PCCA: variants seen among roughly 807,000 people sequenced by gnomAD.
PCCA encodes propionyl-CoA carboxylase alpha chain, mitochondrial.
In PCCA, 74 loss-of-function variants were observed where a neutral mutation model predicts 101.3. The observed-to-expected ratio is 0.73, with a 90% CI of 0.61 to 0.89. The LOEUF is 0.89. PCCA is among the 40% of genes least tolerant of loss of function. The pLI, the probability that PCCA is intolerant of heterozygous loss-of-function variation, is 0.00. For synonymous variants in PCCA, 294 were observed against 313.6 expected, an observed-to-expected ratio of 0.94 and a Z score of 0.66; for missense variants, 891 against 907.0, an observed-to-expected ratio of 0.98 and a Z score of 0.23.
At chr13:100,194,232 C>T (rs2152454067) in intron 6 of PCCA, among the ~76,000 whole-genome samples, 1 of 152,248 alleles carries the variant, frequency 6.6e-6, no homozygotes, top group African/African-American at 2.4e-5. Context: ...CTATATGACT[C>T]TTATTTCTAT....
At position 100,208,044 on chromosome 13, in the gene PCCA, T is replaced by C. The variant is rs143148297; in HGVS notation, c.469-1288T>C. Among the ~76,000 whole-genome samples the C allele has an allele frequency of 5.4e-3, 825 of 152,162 alleles. 14 individuals carry two copies. The highest frequency in any genetic ancestry group is 0.019 in the African/African-American group (791 of 41,520). ...AAAAGAAAAAATCTGTGTTTCAGCC[T>C]GGACTTGTCTAATAACCCCTATACC... On this transcript the variant is annotated intron_variant, in intron 6 of 23. Transcript: ENST00000376285.
chr13:100,359,115 A>G (rs1327291788), intron 18 of PCCA, among the ~76,000 whole-genome samples: 10 of 148,042 alleles, frequency 6.8e-5, no homozygotes, highest in Non-Finnish European at 1.5e-4. Flanking sequence ...AAAAAAAGAA[A>G]AAGAAAAGAA....
rs964813585 is a variant in PCCA at position 100,212,847 on chromosome 13, C to A, written c.600+3384C>A. 7.3e-5 allele frequency among the ~76,000 whole-genome samples: 11 copies of A among 151,602 alleles called. No individual in the cohort carries two copies. The East Asian group carries it at 2.1e-3, about 29-fold the overall frequency. ...TATCTAACTGGACCCATTTTTGTAC[C>A]CATTAACCATCCCCACATCACCCAC... On this transcript the variant is annotated intron_variant, in intron 7 of 23. Transcript: ENST00000376285.
chr13:100,419,756 G>T (rs772539623), intron 19 of PCCA, among the ~76,000 whole-genome samples: 6 of 152,226 alleles, frequency 3.9e-5, no homozygotes, highest in Non-Finnish European at 7.3e-5. Flanking sequence ...CATGAGATGG[G>T]AGTGAAGGAA....
At chr13:100,247,555 C>T (rs1289609057) in intron 8 of PCCA, among the ~76,000 whole-genome samples, 4 of 143,914 alleles carry the variant, frequency 2.8e-5, no homozygotes, top group Non-Finnish European at 6.0e-5. Flanking sequence ...GCTCTGTCAC[C>T]TAGGCTGGAG....
chr13:100,523,694 C>T (rs1370148501), intron 22 of PCCA, among the ~76,000 whole-genome samples: 3 of 152,148 alleles, frequency 2.0e-5, no homozygotes, highest in Admixed American at 6.5e-5. Flanking sequence ...AAGGAGAGGA[C>T]GCAATAAGCT....
At chr13:100,525,568 G>T (rs1304344452) in intron 22 of PCCA, among the ~76,000 whole-genome samples, 2 of 152,220 alleles carry the variant, frequency 1.3e-5, no homozygotes, top group Non-Finnish European at 2.9e-5. Flanking sequence ...TCCCCAGGCC[G>T]CATTTCTTCA....
intron 19 of PCCA, among the ~76,000 whole-genome samples, chr13:100,419,012 T>A (rs1302732389): frequency 6.6e-6 from 1 of 151,428 alleles, no homozygotes; most frequent in Admixed American, 6.6e-5. Flanking sequence ...AGGGTTTTTT[T>A]CTTTCTTTTT....
At chr13:100,492,253 G>C (rs2084957960) in intron 21 of PCCA, among the ~76,000 whole-genome samples, 1 of 151,956 alleles carries the variant, frequency 6.6e-6, no homozygotes, top group African/African-American at 2.4e-5. Context: ...TCCTGCCCCT[G>C]CCTCCCGAGT....
chr13:100,302,372 G>C (rs1057088966), intron 13 of PCCA, among the ~76,000 whole-genome samples: 1 of 151,710 alleles, frequency 6.6e-6, no homozygotes, highest in Non-Finnish European at 1.5e-5. Flanking sequence ...TATTGCTCTT[G>C]CTTTTTTCAT....
chr13:100,285,059 T>A lies in PCCA; in HGVS notation c.1065+11713T>A, dbSNP rs186010796. ...CTTTGCCTACAGCAGGTTAAATATC[T>A]AGGCCTAATCTTAGCCAAAGGGACC... On this transcript the variant is annotated intron_variant, in intron 12 of 23. Coordinates refer to ENST00000376285, the MANE Select transcript of PCCA (RefSeq NM_000282.4). 1.1e-4 allele frequency among the ~76,000 whole-genome samples: 16 copies of A among 152,328 alleles called. No individual in the cohort carries two copies. The East Asian group carries it at 1.5e-3, about 15-fold the overall frequency.
chr13:100,114,454 T>A (rs2048605278), intron 4 of PCCA, among the ~76,000 whole-genome samples: 1 of 152,072 alleles, frequency 6.6e-6, no homozygotes, highest in Non-Finnish European at 1.5e-5. Context: ...AATACAAAAA[T>A]TAGCCGCGTG....
rs375448553 is a variant in PCCA, at chr13:100,100,929, G to T, written c.106-1954G>T. Among the ~76,000 whole-genome samples, 21 of 152,060 alleles carry T rather than the reference G, an allele frequency of 1.4e-4. No homozygotes were observed. The East Asian group carries it at 2.3e-3, about 17-fold the overall frequency. On this transcript the variant is annotated intron_variant, in intron 1 of 23. Coordinates refer to ENST00000376285, the MANE Select transcript of PCCA (RefSeq NM_000282.4). ...AGCGATTCTCCTGCCTCAGCCATCC[G>T]AGTAGCTGGGATTACGGGCATGCAC...
At chr13:100,171,133 G>T (rs1345052345) in intron 6 of PCCA, among the ~76,000 whole-genome samples, 1 of 152,172 alleles carries the variant, frequency 6.6e-6, no homozygotes, top group Non-Finnish European at 1.5e-5. Flanking sequence ...TAAGCCACAT[G>T]TTAAAGAGAT....
intron 22 of PCCA, 129 bp from the exon 23 acceptor site, chr13:100,527,546 A>C (rs1179313718): frequency 2.8e-6 from 2 of 719,966 alleles, no homozygotes; most frequent in East Asian, 2.6e-5. Context: ...GAAACATTAG[A>C]GATTGTTGCT....
At chr13:100,150,695 A>T in intron 4 of PCCA, 1 of 1,542,506 alleles carries the variant, frequency 6.5e-7, no homozygotes, top group Non-Finnish European at 8.9e-7. Context: ...TGGATCAGTG[A>T]GGATAACCTC....
chr13:100,400,122 A>G (rs2077250489), intron 19 of PCCA, among the ~76,000 whole-genome samples: 1 of 152,214 alleles, frequency 6.6e-6, no homozygotes, highest in African/African-American at 2.4e-5. Context: ...CAGTGGGGAT[A>G]TGGATAAAAC....
intron 21 of PCCA, chr13:100,491,409 AAAGCAGACAGCTATTCAGAACAGCAAG>A (rs1329639561): frequency 1.6e-5 from 3 of 185,730 alleles, no homozygotes; most frequent in East Asian, 1.6e-4. Context: ...TGCCTTTTAA[AAAGCAGACAGCTATTCAGAACAGCAAG>A]AAGCAGACCC....
At chr13:100,261,599 C>T (rs758558722) in intron 9 of PCCA, among the ~76,000 whole-genome samples, 2 of 151,928 alleles carry the variant, frequency 1.3e-5, no homozygotes, top group Non-Finnish European at 2.9e-5. Flanking sequence ...CTTCTGACCT[C>T]AGGGAAGCCA....
Sources: gnomAD v4.1 joint callset for allele counts (sites outside exome capture counted in the v4.1 genomes callset) on GRCh38, gnomAD v4.1.1 for gene constraint, MANE v1.5 for transcripts, NCBI Gene and HGNC (gene_info 2026-07-23, HGNC 2026-07-21) for gene names.